The following PTPRD variants were observed in gnomAD, a reference collection of about 807,000 sequenced individuals.
PTPRD encodes protein tyrosine phosphatase receptor type D.
A neutral mutation model predicts 214.5 loss-of-function variants in PTPRD; 34 were observed. That is an observed-to-expected ratio of 0.16 (90% confidence interval 0.12 to 0.21). The LOEUF (loss-of-function observed/expected upper bound fraction) is 0.21. Among genes scored for constraint, PTPRD ranks in the 10% least tolerant of loss-of-function variants. The pLI, the probability that PTPRD is intolerant of heterozygous loss-of-function variation, is 1.00. For missense variants in PTPRD, 2,545 were observed against 2,398.7 expected (o/e 1.06, Z -1.27); for synonymous variants, 1,128 against 845.7 (o/e 1.33, Z -5.79).
rs576539441 is a variant in PTPRD, at chr9:10,320,652, G to A, written c.-545+20311C>T. ...TCATTAAAATTCAACTAATGCTATTGTTTTCTCTTTATCAGTTCTTAGAAA... is the reference window on the plus strand; with the variant it reads ...TCATTAAAATTCAACTAATGCTATTATTTTCTCTTTATCAGTTCTTAGAAA... On this transcript the variant is annotated intron_variant, in intron 3 of 45. Coordinates refer to ENST00000381196, the MANE Select transcript of PTPRD (RefSeq NM_002839.4). 6.6e-5 allele frequency among the ~76,000 whole-genome samples: 10 copies of A among 152,018 alleles called. No individual in the cohort carries two copies. In the East Asian group the frequency reaches 1.2e-3, roughly 18 times the overall value.
intron 9 of PTPRD, among the ~76,000 whole-genome samples, chr9:9,377,656 A>C (rs2061140788): frequency 6.6e-6 from 1 of 152,084 alleles, no homozygotes; most frequent in African/African-American, 2.4e-5. Flanking sequence ...ATGGATGACT[A>C]TGAAAAATCC....
chr9:8,782,823 T>A (rs572018714), intron 11 of PTPRD, among the ~76,000 whole-genome samples: 1 of 152,212 alleles, frequency 6.6e-6, no homozygotes, highest in African/African-American at 2.4e-5. Context: ...CTCGAACTCC[T>A]GACCTCGTGA....
At chr9:9,500,147 A>G (rs747089953) in intron 8 of PTPRD, among the ~76,000 whole-genome samples, 4 of 152,064 alleles carry the variant, frequency 2.6e-5, no homozygotes, top group Non-Finnish European at 2.9e-5. Flanking sequence ...TTGAAAAGCT[A>G]CTTTTCATTC....
intron 3 of PTPRD, among the ~76,000 whole-genome samples, chr9:10,309,141 A>C (rs1203984297): frequency 2.6e-5 from 4 of 152,106 alleles, no homozygotes; most frequent in African/African-American, 2.4e-5. Flanking sequence ...ATGTACTCAG[A>C]GATGACGGAT....
rs80302906 is a variant in PTPRD, at chr9:8,632,064, G to A, written c.352+1253C>T. 1.2e-3 allele frequency among the ~76,000 whole-genome samples: 186 copies of A among 151,412 alleles called. 2 individuals are homozygous for A. Among genetic ancestry groups the A allele is most frequent in the African/African-American group, 4.3e-3 (178 of 41,284 alleles). Reference sequence around the variant, plus strand: ...ATAAGGTGTTTATACTATTTCAAACGTAATTAAGGATATATATGTAAATAA... The same window carrying A: ...ATAAGGTGTTTATACTATTTCAAACATAATTAAGGATATATATGTAAATAA... On this transcript the variant is annotated intron_variant, in intron 14 of 45. Coordinates refer to ENST00000381196, the MANE Select transcript of PTPRD (RefSeq NM_002839.4).
At chr9:10,322,449 G>A (rs781346672) in intron 3 of PTPRD, among the ~76,000 whole-genome samples, 1 of 151,904 alleles carries the variant, frequency 6.6e-6, no homozygotes, top group Non-Finnish European at 1.5e-5. Flanking sequence ...GTTGTCTTGG[G>A]ACAATATGTC....
chr9:8,923,381 C>G lies in PTPRD; in HGVS notation c.-104+95316G>C, dbSNP rs16928627. Reference sequence around the variant, plus strand: ...TCTTATTTTAGAAGTTACTCAGCACCGAGAGCAAGCAATAAAACGAGTCAT... The same window carrying G: ...TCTTATTTTAGAAGTTACTCAGCACGGAGAGCAAGCAATAAAACGAGTCAT... On this transcript the variant is annotated intron_variant, in intron 11 of 45. Coordinates refer to ENST00000381196, the MANE Select transcript of PTPRD (RefSeq NM_002839.4). Among the ~76,000 whole-genome samples, 134 of 151,976 alleles carry G rather than the reference C, an allele frequency of 8.8e-4. 2 individuals are homozygous for G. Among genetic ancestry groups the G allele is most frequent in the African/African-American group, 3.0e-3 (125 of 41,438 alleles).
intron 45 of PTPRD, among the ~76,000 whole-genome samples, 188 bp from the exon 46 acceptor site, chr9:8,318,130 G>C (rs1181676418): frequency 6.6e-6 from 1 of 151,992 alleles, no homozygotes; most frequent in East Asian, 1.9e-4. Flanking sequence ...ATGGGGTGTT[G>C]ATTAACTTTG....
At chr9:8,562,847 C>CTT (rs200639197) in intron 14 of PTPRD, among the ~76,000 whole-genome samples, 234 of 122,990 alleles carry the variant, frequency 1.9e-3, no homozygotes, top group African/African-American at 5.8e-3. Context: ...CAAAGATTTT[C>CTT]TTTTTTTTTT....
At chr9:10,192,672 C>T (rs1237057109) in intron 3 of PTPRD, among the ~76,000 whole-genome samples, 4 of 152,066 alleles carry the variant, frequency 2.6e-5, no homozygotes, top group South Asian at 2.1e-4. Context: ...ATATCCCTCA[C>T]TAGCTTCCAA....
intron 3 of PTPRD, among the ~76,000 whole-genome samples, chr9:10,218,120 A>C (rs931744133): frequency 6.6e-6 from 1 of 151,974 alleles, no homozygotes; most frequent in Non-Finnish European, 1.5e-5. Flanking sequence ...AGTAAAGAAG[A>C]AAAACAGAGA....
intron 11 of PTPRD, among the ~76,000 whole-genome samples, chr9:8,835,199 T>C (rs751352774): frequency 1.3e-5 from 2 of 152,046 alleles, no homozygotes; most frequent in Non-Finnish European, 2.9e-5. Context: ...ATCACCTGAG[T>C]TTATGGGTAC....
intron 10 of PTPRD, among the ~76,000 whole-genome samples, chr9:9,165,602 T>C (rs1328377612): frequency 6.6e-6 from 1 of 152,192 alleles, no homozygotes; most frequent in Non-Finnish European, 1.5e-5. Flanking sequence ...AAGGTTTGAA[T>C]TTAGTTCATA....
At chr9:9,874,582 G>A (rs1281039961) in intron 5 of PTPRD, among the ~76,000 whole-genome samples, 1 of 152,140 alleles carries the variant, frequency 6.6e-6, no homozygotes, top group East Asian at 1.9e-4. Context: ...GAAAGAAAAT[G>A]AACTCAACTT....
chr9:9,969,846 G>A (rs2094965791), intron 4 of PTPRD, among the ~76,000 whole-genome samples: 1 of 152,152 alleles, frequency 6.6e-6, no homozygotes, highest in South Asian at 2.1e-4. Flanking sequence ...CAGTTTTACT[G>A]CTTGCAGAAA....
chr9:9,864,604 G>C (rs908240556), intron 5 of PTPRD, among the ~76,000 whole-genome samples: 2 of 151,946 alleles, frequency 1.3e-5, no homozygotes, highest in Non-Finnish European at 2.9e-5. Context: ...CTGCAGCCTC[G>C]ATCTCTTGGG....
chr9:8,450,917 G>A (rs2095913730), intron 33 of PTPRD, among the ~76,000 whole-genome samples: 1 of 152,126 alleles, frequency 6.6e-6, no homozygotes, highest in Admixed American at 6.6e-5. Flanking sequence ...CCTGCTCAAA[G>A]CAAAGGCGTT....
At chr9:9,981,354 A>ATTCTTTCT (rs36081416) in intron 4 of PTPRD, among the ~76,000 whole-genome samples, 1 of 138,192 alleles carries the variant, frequency 7.2e-6, no homozygotes, top group Non-Finnish European at 1.5e-5. Flanking sequence ...ACATTAAACA[A>ATTCTTTCT]TTTTTTTTTT....
chr9:8,339,180 T>G, intron 42 of PTPRD, 133 bp from the exon 43 acceptor site: 1 of 904,174 alleles, frequency 1.1e-6, no homozygotes, highest in Non-Finnish European at 1.6e-6. Context: ...GCAATTCCAA[T>G]TGCATATGAC....
Sources: gnomAD v4.1 joint callset for allele counts (sites outside exome capture counted in the v4.1 genomes callset) on GRCh38, gnomAD v4.1.1 for gene constraint, MANE v1.5 for transcripts, NCBI Gene and HGNC (gene_info 2026-07-23, HGNC 2026-07-21) for gene names.